Variants in TRAPPC12 observed in about 807,000 individuals in gnomAD.
TRAPPC12 encodes the protein TPR repeat protein 15.
In TRAPPC12, 61 loss-of-function variants were observed where a neutral mutation model predicts 69.2. The ratio of observed to expected loss-of-function variants is 0.88; its 90% confidence interval spans 0.72 to 1.09. The LOEUF is 1.09. TRAPPC12 is among the 50% of genes least tolerant of loss of function. TRAPPC12 has a pLI of 0.00. For missense variants in TRAPPC12, 1,101 were observed against 1,016.4 expected (o/e 1.08, Z -1.13); for synonymous variants, 469 against 438.9 (o/e 1.07, Z -0.86).
chr2:3,437,625 C>A (rs1558382739), intron 5 of TRAPPC12, among the ~76,000 whole-genome samples: 2 of 36,146 alleles, frequency 5.5e-5, no homozygotes, highest in Admixed American at 7.7e-4. Flanking sequence ...CAGGATTAAT[C>A]CCCCAATCAC....
chr2:3,415,031 TG>T (rs1187995303), intron 3 of TRAPPC12, among the ~76,000 whole-genome samples: 3 of 152,152 alleles, frequency 2.0e-5, no homozygotes, highest in Non-Finnish European at 1.5e-5. Context: ...TGAGCAGTCA[TG>T]GATTTGGTAT....
intron 8 of TRAPPC12, 167 bp downstream of exon 8, chr2:3,460,503 T>C (rs1665431441): frequency 1.5e-5 from 8 of 522,662 alleles, no homozygotes; most frequent in Non-Finnish European, 2.7e-5. Flanking sequence ...TGGGGCTATA[T>C]GTACTTTATT....
intron 6 of TRAPPC12, among the ~76,000 whole-genome samples, chr2:3,446,890 C>T (rs908390866): frequency 1.3e-5 from 2 of 152,224 alleles, no homozygotes; most frequent in African/African-American, 4.8e-5. Context: ...ATCACCAATA[C>T]ATCATGATCC....
intron 3 of TRAPPC12, chr2:3,421,604 T>G: frequency 1.5e-6 from 1 of 651,866 alleles, no homozygotes; most frequent in East Asian, 3.1e-5. Flanking sequence ...CTCTTCCCGA[T>G]GTTCTATCGG....
At chr2:3,400,118 G>C (rs898614981) in intron 2 of TRAPPC12, among the ~76,000 whole-genome samples, 1 of 152,214 alleles carries the variant, frequency 6.6e-6, no homozygotes, top group Non-Finnish European at 1.5e-5. Context: ...CAGCTGCTGC[G>C]GGCCAGACGC....
At position 3,412,669 on chromosome 2, in the gene TRAPPC12, C is replaced by T. The variant is rs535548567; in HGVS notation, c.1165-9212C>T. ...GGAGCAGGGGCGTGTGAGGGCTCGG[C>T]GACACAGAGCGGCCAGCTACACCTT... On this transcript the variant is annotated intron_variant, in intron 3 of 11. Coordinates refer to ENST00000324266, the MANE Select transcript of TRAPPC12 (RefSeq NM_016030.6). Among the ~76,000 whole-genome samples the T allele has an allele frequency of 7.9e-5, 12 of 152,250 alleles. No individual in the cohort carries two copies. In the East Asian group the frequency reaches 9.7e-4, roughly 12 times the overall value.
Position 3,388,341 on chromosome 2 carries a change from G to A in TRAPPC12, c.718G>A (p.Ala240Thr), listed in dbSNP as rs1432982098. Residue 240 changes from alanine (A) to threonine (T), a missense_variant, in exon 2 of 12, where the codon GCG (alanine) becomes ACG (threonine). Transcript: ENST00000324266. Reference sequence around the variant, plus strand: ...CTTCATTTCCGTCAGCAATCCCGGCGCGGGCTCCCCGGCCCCCGCCAGCCC... The same window carrying A: ...CTTCATTTCCGTCAGCAATCCCGGCACGGGCTCCCCGGCCCCCGCCAGCCC... ...SAFISVSNPG[A>T]GSPAPASPPP... is the part of the protein sequence containing the mutation. The A allele has an allele frequency of 3.8e-6, 6 of 1,591,280 alleles. No homozygotes were observed. The highest frequency in any genetic ancestry group is 4.6e-5 in the East Asian group (2 of 43,726).
rs750945562 is a variant in TRAPPC12, at chr2:3,479,323, CGA to C, written c.2074_2075del (p.Ser692ArgfsTer58). 2 of 1,614,198 alleles carry C rather than the reference CGA, an allele frequency of 1.2e-6. No individual in the cohort carries two copies. The highest frequency in any genetic ancestry group is 1.7e-6 in the Non-Finnish European group (2 of 1,180,048). On this transcript the variant is annotated frameshift_variant, in exon 12 of 12. Coordinates refer to ENST00000324266, the MANE Select transcript of TRAPPC12 (RefSeq NM_016030.6). LOFTEE classifies it high-confidence loss of function. ...AGCAGGACCCCAGGCACTACCTGCACGAGAGCGTGCTCTTCAACCTGACCACC... is the reference window on the plus strand; with the variant it reads ...AGCAGGACCCCAGGCACTACCTGCACGAGCGTGCTCTTCAACCTGACCACC... ...VQQDPRHYLH[E>X]SVLFNLTTMY...
chr2:3,409,299 GT>G (rs1410699711), intron 3 of TRAPPC12, among the ~76,000 whole-genome samples: 1 of 152,136 alleles, frequency 6.6e-6, no homozygotes, highest in Non-Finnish European at 1.5e-5. Flanking sequence ...GCCTAGAAAT[GT>G]TTTTGAAATA....
intron 5 of TRAPPC12, among the ~76,000 whole-genome samples, chr2:3,425,512 T>C (rs1291401984): frequency 6.6e-6 from 1 of 152,234 alleles, no homozygotes; most frequent in Non-Finnish European, 1.5e-5. Context: ...TCCTCCTTGC[T>C]GCCTGGGTTG....
At chr2:3,461,161 G>A (rs917990215) in intron 8 of TRAPPC12, among the ~76,000 whole-genome samples, 4 of 152,212 alleles carry the variant, frequency 2.6e-5, no homozygotes, top group Non-Finnish European at 5.9e-5. Flanking sequence ...ATTTACCAGC[G>A]GAGAACTGTG....
At chr2:3,403,249 T>TTTTTGATGG (rs1661554579) in intron 3 of TRAPPC12, among the ~76,000 whole-genome samples, 1 of 150,530 alleles carries the variant, frequency 6.6e-6, no homozygotes. Context: ...TTTTTTTTTT[T>TTTTTGATGG]GAGATGGAGT....
chr2:3,459,938 G>C, intron 7 of TRAPPC12: 1 of 416,796 alleles, frequency 2.4e-6, no homozygotes, highest in Non-Finnish European at 4.4e-6. Flanking sequence ...TGTCAGCTTT[G>C]CTCCTTTTCT....
At chr2:3,405,965 G>C (rs1661706539) in intron 3 of TRAPPC12, among the ~76,000 whole-genome samples, 1 of 152,120 alleles carries the variant, frequency 6.6e-6, no homozygotes, top group Non-Finnish European at 1.5e-5. Context: ...TTGAATACCA[G>C]TTCCCACAAC....
In TRAPPC12 at chr2:3,401,833, G is replaced by C. The variant is rs1415840436; in HGVS notation, c.1104G>C (p.Lys368Asn). Residue 368 changes from lysine to asparagine, a missense_variant, in exon 3 of 12, where the codon AAG becomes AAC. Transcript: ENST00000324266. ...TTCTGGGTGAAAAAGCTGCAGCAAA[G>C]AGACAAGTCCTAAATGCCGACTCAG... ...LRFLGEKAAAKRQVLNADSVE... is the reference protein window; with the variant it reads ...LRFLGEKAAANRQVLNADSVE... The C allele has an allele frequency of 1.2e-6, 2 of 1,603,326 alleles. No individual in the cohort carries two copies. The highest frequency in any genetic ancestry group is 1.8e-5 in the Admixed American group (1 of 56,860).
At chr2:3,395,709 C>T (rs867708322) in intron 2 of TRAPPC12, among the ~76,000 whole-genome samples, 59 of 151,102 alleles carry the variant, frequency 3.9e-4, no homozygotes, top group African/African-American at 1.3e-3. Flanking sequence ...ACTACAGGCA[C>T]GCACCACCAC....
rs998360517 is a variant in TRAPPC12, at chr2:3,478,943, C to T, written c.1965+10C>T. The T allele has an allele frequency of 4.3e-6, 7 of 1,612,602 alleles. No homozygotes were observed. The Admixed American group carries it at 5.0e-5, about 12-fold the overall frequency. On this transcript the variant is annotated intron_variant, in intron 11 of 11. Coordinates refer to ENST00000324266, the MANE Select transcript of TRAPPC12 (RefSeq NM_016030.6). ...TCCAAGAAACGCAGTGGTAAGATCC[C>T]CAAGCTGCAGGATCCTCCATCCTCT...
At chr2:3,415,995 C>T (rs558981226) in intron 3 of TRAPPC12, among the ~76,000 whole-genome samples, 2 of 152,228 alleles carry the variant, frequency 1.3e-5, no homozygotes, top group Non-Finnish European at 2.9e-5. Context: ...GGATTACAGG[C>T]GTGAGCCACC....
At chr2:3,400,929 A>G (rs1193147453) in intron 2 of TRAPPC12, among the ~76,000 whole-genome samples, 3 of 152,196 alleles carry the variant, frequency 2.0e-5, no homozygotes, top group Non-Finnish European at 4.4e-5. Flanking sequence ...AGGCCACACA[A>G]AAGCACCTGT....
Sources: allele counts gnomAD v4.1 joint callset (sites outside exome capture counted in the v4.1 genomes callset), GRCh38; gene constraint gnomAD v4.1.1; transcripts MANE v1.5; gene names NCBI Gene and HGNC (gene_info 2026-07-23, HGNC 2026-07-21).